FRMPD4: variants seen among roughly 807,000 people sequenced by gnomAD.
FRMPD4 encodes FERM and PDZ domain-containing protein 4.
Under a neutral mutation model 94.1 loss-of-function variants are expected in FRMPD4, and 22 were observed. The observed-to-expected ratio is 0.23, with a 90% CI of 0.17 to 0.33. The LOEUF is 0.33. Among genes scored for constraint, FRMPD4 ranks in the 10% least tolerant of loss-of-function variants. The pLI, the probability that FRMPD4 is intolerant of heterozygous loss-of-function variation, is 1.00. For synonymous variants in FRMPD4, 631 were observed against 548.6 expected, an observed-to-expected ratio of 1.15 and a Z score of -2.10; for missense variants, 1,111 against 1,339.9, an observed-to-expected ratio of 0.83 and a Z score of 2.67.
chrX:12,679,362 T>C (rs73198276), intron 5 of FRMPD4, among the ~76,000 whole-genome samples: 28,170 of 110,817 alleles, frequency 0.25, 3,239 homozygotes, highest in Non-Finnish European at 0.36. Context: ...GGAGGGGTCA[T>C]ATGAGAGGGA....
chrX:12,053,839 G>A (rs950682542), intron 3 of FRMPD4, among the ~76,000 whole-genome samples: 2 of 112,126 alleles, frequency 1.8e-5, no homozygotes, highest in African/African-American at 6.5e-5. Context: ...GCCATTATAA[G>A]AAAACAAAGA....
chrX:12,446,069 C>T (rs1351271797), intron 1 of FRMPD4, among the ~76,000 whole-genome samples: 1 of 111,728 alleles, frequency 9.0e-6, no homozygotes, highest in Non-Finnish European at 1.9e-5. Flanking sequence ...GAGTTGAGAG[C>T]AAGAGAGAGA....
At chrX:12,466,510 A>C (rs1342411219) in intron 1 of FRMPD4, among the ~76,000 whole-genome samples, 1 of 112,168 alleles carries the variant, frequency 8.9e-6, no homozygotes, top group Non-Finnish European at 1.9e-5. Flanking sequence ...TTTCTTTTTG[A>C]TTTCTGTCTT....
intron 1 of FRMPD4, among the ~76,000 whole-genome samples, chrX:12,259,114 G>A (rs1163235950): frequency 3.6e-5 from 4 of 111,754 alleles, no homozygotes; most frequent in African/African-American, 1.3e-4. Flanking sequence ...CAAATAGTAA[G>A]TGTTTGATCC....
intron 1 of FRMPD4, among the ~76,000 whole-genome samples, chrX:12,293,666 G>A (rs1193354730): frequency 1.8e-5 from 2 of 112,338 alleles, no homozygotes. Flanking sequence ...AACTCATATA[G>A]CAGTGCTTTT....
intron 4 of FRMPD4, among the ~76,000 whole-genome samples, chrX:12,648,456 G>A (rs182225984): frequency 2.7e-5 from 3 of 111,181 alleles, no homozygotes; most frequent in East Asian, 2.8e-4. Flanking sequence ...CCTATATCTC[G>A]CATGTTGGAG....
chrX:12,280,957 C>T (rs960860115), intron 1 of FRMPD4, among the ~76,000 whole-genome samples: 7 of 111,997 alleles, frequency 6.3e-5, no homozygotes, highest in African/African-American at 2.0e-4. Context: ...GATACTGCTC[C>T]CTGGGTATCT....
At chrX:12,697,470 A>G (rs1368455520) in intron 9 of FRMPD4, among the ~76,000 whole-genome samples, 1 of 112,385 alleles carries the variant, frequency 8.9e-6, no homozygotes, top group Non-Finnish European at 1.9e-5. Flanking sequence ...TACTCACCCC[A>G]TTCACAAGAT....
chrX:12,066,871 G>GTTTTTTT (rs201251837), intron 3 of FRMPD4, among the ~76,000 whole-genome samples: 4,160 of 99,172 alleles, frequency 0.042, 104 homozygotes, highest in East Asian at 0.14. Flanking sequence ...TTTTGTTTTT[G>GTTTTTTT]TTTTTGTTTT....
intron 1 of FRMPD4, among the ~76,000 whole-genome samples, chrX:12,304,627 G>A (rs1747786447): frequency 9.1e-6 from 1 of 109,960 alleles, no homozygotes; most frequent in African/African-American, 3.3e-5. Context: ...TCCTGTCACT[G>A]TTCCTTATCA....
At chrX:12,261,737 A>G (rs762514354) in intron 1 of FRMPD4, among the ~76,000 whole-genome samples, 1 of 112,249 alleles carries the variant, frequency 8.9e-6, no homozygotes, top group South Asian at 3.7e-4. Flanking sequence ...TACATCATCC[A>G]GCTTCAACAA....
intron 1 of FRMPD4, among the ~76,000 whole-genome samples, chrX:12,240,146 T>C (rs764533446): frequency 8.9e-6 from 1 of 112,844 alleles, no homozygotes; most frequent in Admixed American, 9.3e-5. Context: ...TGTGTACTTA[T>C]TGTCTATGGC....
intron 3 of FRMPD4, among the ~76,000 whole-genome samples, chrX:11,880,702 G>A (rs2053809104): frequency 9.0e-6 from 1 of 111,402 alleles, no homozygotes; most frequent in South Asian, 3.8e-4. Flanking sequence ...GAATACAGTG[G>A]CACAATCTCA....
rs35377550 is a variant in FRMPD4, at chrX:11,987,098, T to TAA, written c.95+109110_95+109111dup. On this transcript the variant is annotated intron_variant, in intron 3 of 18. Transcript: ENST00000640291. ...ATACCAAGACCAGGCAAAGACACAT[T>TAA]AAAAAAAAAAAAAAAAAAAAAAAAA... 3.8e-3 allele frequency among the ~76,000 whole-genome samples: 83 copies of TAA among 21,817 alleles called. 10 individuals carry two copies. The highest frequency in any genetic ancestry group is 0.013 in the African/African-American group (41 of 3,086). 18.9% of individuals were successfully genotyped at this position (21,817 alleles called of 115,157 possible).
chrX:12,703,582 G>A (rs190553525), intron 10 of FRMPD4, among the ~76,000 whole-genome samples: 134 of 112,102 alleles, frequency 1.2e-3, no homozygotes, highest in Non-Finnish European at 2.3e-4. Context: ...ACATAACCTA[G>A]GGTAGGATTT....
At chrX:11,866,611 AT>A (rs1445506955) in intron 2 of FRMPD4, among the ~76,000 whole-genome samples, 1 of 112,330 alleles carries the variant, frequency 8.9e-6, no homozygotes, top group African/African-American at 3.2e-5. Context: ...CTGTATATGT[AT>A]ATAGATCATT....
chrX:12,445,780 CTTT>C (rs2057187993), intron 1 of FRMPD4, among the ~76,000 whole-genome samples: 2 of 112,290 alleles, frequency 1.8e-5, no homozygotes, highest in African/African-American at 6.5e-5. Flanking sequence ...TTATTATGTA[CTTT>C]TTTATTATGA....
chrX:12,331,756 ACT>A (rs1321296192), intron 1 of FRMPD4, among the ~76,000 whole-genome samples: 1 of 61,704 alleles, frequency 1.6e-5, no homozygotes. Context: ...ATATTTATAT[ACT>A]ATATATAAAT....
intron 3 of FRMPD4, among the ~76,000 whole-genome samples, chrX:11,954,082 G>T (rs2054241118): frequency 8.9e-6 from 1 of 112,039 alleles, no homozygotes; most frequent in Non-Finnish European, 1.9e-5. Context: ...AAACCTCTTA[G>T]CATTTATCTA....
Sources: allele counts gnomAD v4.1 joint callset (sites outside exome capture counted in the v4.1 genomes callset), GRCh38; gene constraint gnomAD v4.1.1; transcripts MANE v1.5; gene names NCBI Gene and HGNC (gene_info 2026-07-23, HGNC 2026-07-21).